The following RFX4 variants were observed in gnomAD, a reference collection of about 807,000 sequenced individuals.
The protein encoded by RFX4 is regulatory factor X4.
A neutral mutation model predicts 95.0 loss-of-function variants in RFX4; 10 were observed. The observed-to-expected ratio is 0.11, with a 90% CI of 0.06 to 0.18. RFX4 has a LOEUF of 0.18. Among genes scored for constraint, RFX4 ranks in the 10% least tolerant of loss-of-function variants. The pLI is 1.00. For synonymous variants in RFX4, 321 were observed against 340.7 expected, an observed-to-expected ratio of 0.94 and a Z score of 0.64; for missense variants, 640 against 922.0, an observed-to-expected ratio of 0.69 and a Z score of 3.96.
chr12:106,623,784 C>CA (rs920936202), intron 2 of RFX4, among the ~76,000 whole-genome samples: 1 of 151,996 alleles, frequency 6.6e-6, no homozygotes, highest in Admixed American at 6.6e-5. Context: ...GACCCCATCT[C>CA]AAAAAAACAA....
chr12:106,645,782 G>A, intron 3 of RFX4: 1 of 617,904 alleles, frequency 1.6e-6, no homozygotes, highest in South Asian at 1.6e-5. Flanking sequence ...TTACTCAACA[G>A]TGACAGAACA....
chr12:106,725,037 G>A (rs901045008), intron 13 of RFX4, among the ~76,000 whole-genome samples: 8 of 150,648 alleles, frequency 5.3e-5, no homozygotes, highest in Non-Finnish European at 1.2e-4. Flanking sequence ...AGCCATAGCT[G>A]AGGTCTAGAA....
intron 15 of RFX4, among the ~76,000 whole-genome samples, chr12:106,737,536 A>G (rs10861657): frequency 0.37 from 56,716 of 151,758 alleles, 10,701 homozygotes; most frequent in African/African-American, 0.42. Context: ...TGTTATTTTT[A>G]GGAAACTTAA....
At chr12:106,724,674 G>C (rs1012912554) in intron 13 of RFX4, among the ~76,000 whole-genome samples, 2 of 152,096 alleles carry the variant, frequency 1.3e-5, no homozygotes, top group Admixed American at 6.5e-5. Flanking sequence ...TACAAAGACA[G>C]AATTTGGCAC....
chr12:106,628,181 C>A (rs1301856152), intron 2 of RFX4, among the ~76,000 whole-genome samples: 1 of 152,168 alleles, frequency 6.6e-6, no homozygotes, highest in Admixed American at 6.5e-5. Context: ...TCTATCTGTC[C>A]TCTCTTCACC....
At chr12:106,738,263 G>C (rs1211383316) in intron 15 of RFX4, among the ~76,000 whole-genome samples, 1 of 152,218 alleles carries the variant, frequency 6.6e-6, no homozygotes, top group African/African-American at 2.4e-5. Context: ...AAACAGTTCT[G>C]CATTATGAAG....
intron 2 of RFX4, among the ~76,000 whole-genome samples, chr12:106,626,029 G>A (rs953205969): frequency 1.3e-5 from 2 of 152,194 alleles, no homozygotes; most frequent in African/African-American, 4.8e-5. Context: ...TAGAAGAGAA[G>A]TTAAGGCACA....
At chr12:106,669,841 T>G (rs71441885) in intron 4 of RFX4, among the ~76,000 whole-genome samples, 977 of 79,788 alleles carry the variant, frequency 0.012, 4 homozygotes, top group African/African-American at 0.035. Context: ...TTTCTAGGGG[T>G]GTGTGTGTGT....
intron 1 of RFX4, among the ~76,000 whole-genome samples, chr12:106,600,388 CT>C (rs965183940): frequency 6.6e-6 from 1 of 152,224 alleles, no homozygotes; most frequent in South Asian, 2.1e-4. Context: ...CCCAACCCCC[CT>C]TTTTTTCTCT....
At chr12:106,659,608 G>A (rs1418933786) in intron 4 of RFX4, among the ~76,000 whole-genome samples, 1 of 152,164 alleles carries the variant, frequency 6.6e-6, no homozygotes, top group Non-Finnish European at 1.5e-5. Context: ...CTGTATACCT[G>A]GTACTGTTCT....
chr12:106,748,480 T>C (rs2042936169), intron 16 of RFX4, among the ~76,000 whole-genome samples: 1 of 152,218 alleles, frequency 6.6e-6, no homozygotes, highest in Non-Finnish European at 1.5e-5. Context: ...TTTGCCCATA[T>C]TTTTTTCTTT....
intron 2 of RFX4, among the ~76,000 whole-genome samples, chr12:106,631,599 T>A (rs576391513): frequency 6.6e-6 from 1 of 152,314 alleles, no homozygotes; most frequent in East Asian, 1.9e-4. Flanking sequence ...TTCTGCCATG[T>A]GTGAACACAG....
chr12:106,712,713 G>T (rs1185918062), intron 10 of RFX4, among the ~76,000 whole-genome samples: 1 of 152,180 alleles, frequency 6.6e-6, no homozygotes, highest in Admixed American at 6.5e-5. Flanking sequence ...CTACACCTGG[G>T]CATTGTTCTG....
At chr12:106,594,263 T>G (rs2137171150) in intron 1 of RFX4, among the ~76,000 whole-genome samples, 1 of 152,316 alleles carries the variant, frequency 6.6e-6, no homozygotes, top group East Asian at 1.9e-4. Context: ...AGGCCCTCAG[T>G]TAAAACATTA....
chr12:106,601,325 C>T (rs762022317), intron 1 of RFX4: 9 of 1,590,842 alleles, frequency 5.7e-6, no homozygotes, highest in Non-Finnish European at 7.7e-6. Context: ...CAGGACCAGG[C>T]CTCGACGGCG....
At chr12:106,648,622 T>TG (rs199842992) in intron 3 of RFX4, among the ~76,000 whole-genome samples, 1,472 of 141,100 alleles carry the variant, frequency 0.01, 7 homozygotes, top group Admixed American at 0.012. Flanking sequence ...AAAAATCCTG[T>TG]GGGGTTTTTT....
chr12:106,742,546 G>A (rs1271932921), intron 15 of RFX4, among the ~76,000 whole-genome samples: 3 of 152,134 alleles, frequency 2.0e-5, no homozygotes, highest in Non-Finnish European at 2.9e-5. Context: ...ATGTTATAGA[G>A]CTTTGTTACT....
chr12:106,726,530 T>C (rs1219372951), intron 13 of RFX4, among the ~76,000 whole-genome samples: 2 of 152,218 alleles, frequency 1.3e-5, no homozygotes, highest in African/African-American at 4.8e-5. Flanking sequence ...AAAAATTACT[T>C]AGTATTCCTA....
At chr12:106,629,375 A>G (rs2040370204) in intron 2 of RFX4, among the ~76,000 whole-genome samples, 1 of 152,214 alleles carries the variant, frequency 6.6e-6, no homozygotes, top group Admixed American at 6.5e-5. Flanking sequence ...ATCAGTTCAC[A>G]GACCTGGGGC....
Sources: gnomAD v4.1 joint callset for allele counts (sites outside exome capture counted in the v4.1 genomes callset) on GRCh38, gnomAD v4.1.1 for gene constraint, MANE v1.5 for transcripts, NCBI Gene and HGNC (gene_info 2026-07-23, HGNC 2026-07-21) for gene names.